The following FAM83B variants were observed in gnomAD, a reference collection of about 807,000 sequenced individuals.
The protein encoded by FAM83B is scaffolding CK1 anchoring protein B.
FAM83B carries 26 observed loss-of-function variants against 38.8 expected under a neutral mutation model. The observed-to-expected ratio is 0.67, with a 90% confidence interval of 0.49 to 0.93. The LOEUF (loss-of-function observed/expected upper bound fraction) is 0.93. FAM83B is among the 40% of genes least tolerant of loss of function. The pLI, the probability that FAM83B is intolerant of heterozygous loss-of-function variation, is 0.00. For missense variants in FAM83B, 1,237 were observed against 1,197.3 expected (o/e 1.03, Z -0.49); for synonymous variants, 419 against 423.1 (o/e 0.99, Z 0.12).
In FAM83B at chr6:54,940,516, T is replaced by G. The variant is rs1177691126; in HGVS notation, c.1545T>G (p.Ala515=). The G allele has an allele frequency of 6.2e-7, 1 of 1,614,102 alleles. No homozygotes were observed. Among genetic ancestry groups the G allele is most frequent in the Non-Finnish European group, 8.5e-7 (1 of 1,180,014 alleles). ...SEATPDSNGS[A]LGDRFEGYDN... ...CTACACCGGACTCAAATGGATCAGC[T>G]TTAGGTGACCGATTTGAGGGCTATG... The change falls in exon 5 of 5, where the codon GCT becomes GCG. Residue 515 remains alanine, a synonymous_variant. Coordinates refer to ENST00000306858, the MANE Select transcript of FAM83B (RefSeq NM_001010872.3).
intron 2 of FAM83B, among the ~76,000 whole-genome samples, chr6:54,872,016 A>G (rs985382819): frequency 6.6e-6 from 1 of 152,164 alleles, no homozygotes; most frequent in African/African-American, 2.4e-5. Flanking sequence ...AAGGCTAACA[A>G]TAATGTAGAG....
chr6:54,861,570 G>C (rs573869267), intron 1 of FAM83B, among the ~76,000 whole-genome samples: 160 of 152,266 alleles, frequency 1.1e-3, no homozygotes, highest in Non-Finnish European at 1.9e-3. Flanking sequence ...AAAAGAAGTG[G>C]TCTCATAAAA....
intron 2 of FAM83B, among the ~76,000 whole-genome samples, chr6:54,882,525 A>G (rs963045644): frequency 6.6e-6 from 1 of 152,138 alleles, no homozygotes; most frequent in Non-Finnish European, 1.5e-5. Context: ...TGGGCTTACC[A>G]TTATGGTGTA....
In FAM83B at chr6:54,942,076, C is replaced by G; in HGVS notation, c.*69C>G. On this transcript the variant is annotated 3_prime_UTR_variant, in exon 5 of 5. Coordinates refer to ENST00000306858, the MANE Select transcript of FAM83B (RefSeq NM_001010872.3). Reference sequence around the variant, plus strand: ...AGAAAATTGTGGACAGTCTTTGTAACATGCCAATAGATTTTCCTAAGGACA... The same window carrying G: ...AGAAAATTGTGGACAGTCTTTGTAAGATGCCAATAGATTTTCCTAAGGACA... 6.9e-7 allele frequency: 1 copy of G among 1,445,698 alleles called. No individual in the cohort carries two copies. Among genetic ancestry groups the G allele is most frequent in the South Asian group, 1.4e-5 (1 of 71,014 alleles). The allele number at this position is 1,445,698 out of a possible 1,614,324, so 89.6% of individuals were successfully genotyped here.
chr6:54,882,476 G>A (rs969829748), intron 2 of FAM83B, among the ~76,000 whole-genome samples: 1 of 152,110 alleles, frequency 6.6e-6, no homozygotes, highest in African/African-American at 2.4e-5. Context: ...GACAGGTCTG[G>A]TATTTGAGCC....
intron 2 of FAM83B, among the ~76,000 whole-genome samples, chr6:54,899,403 A>T (rs1772607586): frequency 6.6e-6 from 1 of 152,202 alleles, no homozygotes. Context: ...TTCACAATAC[A>T]CATTTTATCT....
intron 2 of FAM83B, among the ~76,000 whole-genome samples, chr6:54,916,724 G>A (rs1375971264): frequency 6.6e-6 from 1 of 152,144 alleles, no homozygotes; most frequent in East Asian, 1.9e-4. Context: ...TCAAGTTCAT[G>A]CTTTTCGATA....
intron 2 of FAM83B, among the ~76,000 whole-genome samples, chr6:54,896,597 A>G (rs895377369): frequency 6.6e-6 from 1 of 152,238 alleles, no homozygotes; most frequent in South Asian, 2.1e-4. Flanking sequence ...ACTGTTAAGA[A>G]GCGTACAAAA....
chr6:54,888,185 CT>C (rs1772324057), intron 2 of FAM83B, among the ~76,000 whole-genome samples: 1 of 150,798 alleles, frequency 6.6e-6, no homozygotes, highest in Non-Finnish European at 1.5e-5. Flanking sequence ...GTACAAGGAC[CT>C]TTGAACACTT....
chr6:54,895,959 C>T (rs1772521996), intron 2 of FAM83B, among the ~76,000 whole-genome samples: 1 of 152,134 alleles, frequency 6.6e-6, no homozygotes, highest in African/African-American at 2.4e-5. Flanking sequence ...TATCTCAGCT[C>T]ACTGTAACCT....
chr6:54,883,164 C>T (rs1047199511), intron 2 of FAM83B, among the ~76,000 whole-genome samples: 1 of 151,982 alleles, frequency 6.6e-6, no homozygotes, highest in Non-Finnish European at 1.5e-5. Context: ...AGGATGGTCT[C>T]TATCTCCTGA....
intron 1 of FAM83B, among the ~76,000 whole-genome samples, chr6:54,855,005 T>C (rs1771411023): frequency 1.3e-5 from 2 of 152,218 alleles, no homozygotes; most frequent in Admixed American, 1.3e-4. Flanking sequence ...GTGAAGTTCA[T>C]CTTTGCTTTA....
chr6:54,864,610 C>T (rs1200852163), intron 1 of FAM83B, among the ~76,000 whole-genome samples: 1 of 152,174 alleles, frequency 6.6e-6, no homozygotes, highest in Non-Finnish European at 1.5e-5. Context: ...TATCAAATTG[C>T]ACTTGACAGC....
intron 4 of FAM83B, among the ~76,000 whole-genome samples, chr6:54,930,799 G>C (rs545010181): frequency 6.6e-6 from 1 of 151,754 alleles, no homozygotes; most frequent in East Asian, 1.9e-4. Context: ...AGATCTTTTA[G>C]CTTTAAAAAA....
chr6:54,862,617 C>G (rs1434884284), intron 1 of FAM83B, among the ~76,000 whole-genome samples: 1 of 152,112 alleles, frequency 6.6e-6, no homozygotes, highest in Non-Finnish European at 1.5e-5. Context: ...TGCCTCATGC[C>G]TGTAATCCTA....
At chr6:54,920,597 A>G (rs1180280739) in intron 2 of FAM83B, among the ~76,000 whole-genome samples, 1 of 151,942 alleles carries the variant, frequency 6.6e-6, no homozygotes, top group East Asian at 1.9e-4. Context: ...TTAACATAAA[A>G]TATTGAAAAT....
At chr6:54,939,659 A>G in intron 4 of FAM83B, 47 bp from the exon 5 acceptor site, 2 of 1,484,284 alleles carry the variant, frequency 1.3e-6, no homozygotes, top group South Asian at 1.4e-5. Flanking sequence ...ACTATATGTT[A>G]TTATCAATCT....
intron 1 of FAM83B, among the ~76,000 whole-genome samples, chr6:54,865,171 T>C (rs1771669995): frequency 1.3e-5 from 2 of 152,218 alleles, no homozygotes; most frequent in Admixed American, 1.3e-4. Context: ...TATTCTGTTA[T>C]GCTTCTGAAG....
chr6:54,933,385 T>C (rs1773464009), intron 4 of FAM83B, among the ~76,000 whole-genome samples: 1 of 152,086 alleles, frequency 6.6e-6, no homozygotes, highest in African/African-American at 2.4e-5. Context: ...GTGTGTGTGT[T>C]GTTGATGTTT....
Sources: gnomAD v4.1 joint callset for allele counts (sites outside exome capture counted in the v4.1 genomes callset) on GRCh38, gnomAD v4.1.1 for gene constraint, MANE v1.5 for transcripts, NCBI Gene and HGNC (gene_info 2026-07-23, HGNC 2026-07-21) for gene names.